The following LGI3 variants were observed in gnomAD, a reference collection of about 807,000 sequenced individuals.
The protein encoded by LGI3 is leucine rich repeat LGI family member 3, also known as leucine-rich repeat LGI family member 3.
In LGI3, 47 loss-of-function variants were observed where a neutral mutation model predicts 55.4. The observed-to-expected ratio is 0.85, with a 90% CI of 0.67 to 1.08. LGI3 has a LOEUF of 1.08. LGI3 is among the 50% of genes least tolerant of loss of function. The pLI is 0.00. For missense variants in LGI3, 664 were observed against 726.3 expected, an observed-to-expected ratio of 0.91 and a Z score of 0.99; for synonymous variants, 326 against 315.0, an observed-to-expected ratio of 1.04 and a Z score of -0.37.
intron 5 of LGI3, among the ~76,000 whole-genome samples, chr8:22,152,817 G>A (rs532018676): frequency 1.5e-4 from 23 of 151,308 alleles, no homozygotes; most frequent in African/African-American, 5.3e-4. Context: ...TTGGGAGGCA[G>A]AGGCGAGTGG....
Position 22,154,111 on chromosome 8 carries a change from G to A in LGI3, c.422+31C>T, listed in dbSNP as rs763854424. Reference sequence around the variant, plus strand: ...AAGGCCACAGGAGAGGTGGGGCTTTGGTGCAGTGTGTGTATGTGTGACGTA... The same window carrying A: ...AAGGCCACAGGAGAGGTGGGGCTTTAGTGCAGTGTGTGTATGTGTGACGTA... On this transcript the variant is annotated intron_variant, in intron 4 of 7. Coordinates refer to ENST00000306317, the MANE Select transcript of LGI3 (RefSeq NM_139278.4). 185 of 1,612,184 alleles carry A rather than the reference G, an allele frequency of 1.1e-4. 1 individual carries two copies. Among genetic ancestry groups the A allele is most frequent in the Non-Finnish European group, 1.5e-4 (182 of 1,178,326 alleles).
Position 22,156,529 on chromosome 8 carries a change from C to T in LGI3, c.14G>A (p.Arg5Gln), listed in dbSNP as rs1165678154. 8 of 1,325,568 alleles carry T rather than the reference C, an allele frequency of 6.0e-6. No individual in the cohort carries two copies. Among genetic ancestry groups the T allele is most frequent in the Non-Finnish European group, 7.8e-6 (8 of 1,030,634 alleles). The allele number at this position is 1,325,568 out of a possible 1,614,324, so 82.1% of individuals were successfully genotyped here. A position where few individuals can be genotyped will look rare whatever the true frequency, so the allele number is the denominator to read the frequency against. The change falls in exon 1 of 8, where the codon CGG becomes CAG. Residue 5 changes from arginine (R) to glutamine (Q), a missense_variant. Transcript: ENST00000306317. MAGL[R>Q]ARGGPGPGLL... The stretch of plus-strand genomic sequence containing the variant: ...CCCCGGCCCCGGGCCCCCCCTGGCC[C>T]GCAGCCCCGCCATGCTGCCCGCGAT...
At chr8:22,151,710 G>T in intron 6 of LGI3, 57 bp from the exon 7 acceptor site, 2 of 1,588,286 alleles carry the variant, frequency 1.3e-6, no homozygotes, top group Non-Finnish European at 1.7e-6. Flanking sequence ...GGGCTGCTTG[G>T]GTGATGGTGG....
At chr8:22,155,210 G>T (rs189397765) in intron 2 of LGI3, 182 bp downstream of exon 2, 5 of 630,732 alleles carry the variant, frequency 7.9e-6, no homozygotes, top group Admixed American at 2.7e-5. Flanking sequence ...CTGCTGCCCC[G>T]ACTCCCCTGA....
intron 7 of LGI3, among the ~76,000 whole-genome samples, chr8:22,150,255 GT>G (rs1323086427): frequency 6.7e-6 from 1 of 149,428 alleles, no homozygotes; most frequent in Non-Finnish European, 1.5e-5. Flanking sequence ...TTTTGTTTTT[GT>G]TTTTGTTTTT....
chr8:22,155,987 G>A (rs1468203654), intron 1 of LGI3, among the ~76,000 whole-genome samples: 4 of 152,224 alleles, frequency 2.6e-5, no homozygotes, highest in South Asian at 2.1e-4. Flanking sequence ...TGCTCTGGCC[G>A]CCACTCTCCT....
rs537904300 is a variant in LGI3, at chr8:22,148,022, A to G, written c.*138T>C. 45 of 737,456 alleles carry G rather than the reference A, an allele frequency of 6.1e-5. No individual in the cohort carries two copies. In the African/African-American group the frequency reaches 6.7e-4, roughly 11 times the overall value. 45.7% of individuals were successfully genotyped at this position (737,456 alleles called of 1,614,324 possible). A position where few individuals can be genotyped will look rare whatever the true frequency, so the allele number is the denominator to read the frequency against. On this transcript the variant is annotated 3_prime_UTR_variant, in exon 8 of 8. Coordinates refer to ENST00000306317, the MANE Select transcript of LGI3 (RefSeq NM_139278.4). The surrounding 1 kb of genome is among the most constrained non-coding windows in gnomAD (Gnocchi z 7.0). ...GGGCCAGTCCACGGGGTGCGCCTGT[A>G]CACACTGGGCGTGTGCGGATACAAG... is the stretch of plus-strand genomic sequence containing the variant.
At position 22,148,233 on chromosome 8, in the gene LGI3, T is replaced by G; in HGVS notation, c.1574A>C (p.Gln525Pro). The G allele has an allele frequency of 6.2e-7, 1 of 1,613,990 alleles. No individual in the cohort carries two copies. Among genetic ancestry groups the G allele is most frequent in the East Asian group, 2.2e-5 (1 of 44,864 alleles). Reference sequence around the variant, plus strand: ...CTTGAAGCTGGGGGCCAGGAGTAGCTGGGCGTCCCCAGCAGGCATGTAGCA... The same window carrying G: ...CTTGAAGCTGGGGGCCAGGAGTAGCGGGGCGTCCCCAGCAGGCATGTAGCA... ...AFCYMPAGDA[Q>P]LLLAPSFKGQ... Residue 525 changes from glutamine to proline, a missense_variant, in exon 8 of 8, where the codon CAG (glutamine) becomes CCG (proline). Coordinates refer to ENST00000306317, the MANE Select transcript of LGI3 (RefSeq NM_139278.4). This position sits in a 1 kb window ranked among gnomAD's most constrained non-coding sequence, Gnocchi z 7.0.
At position 22,148,624 on chromosome 8, in the gene LGI3, T is replaced by C. The variant is rs1482529227; in HGVS notation, c.1183A>G (p.Ser395Gly). 8.1e-6 allele frequency: 13 copies of C among 1,613,946 alleles called. No homozygotes were observed. The highest frequency in any genetic ancestry group is 1.0e-5 in the Non-Finnish European group (12 of 1,180,000). The change falls in exon 8 of 8, where the codon AGC becomes GGC. Residue 395 changes from serine (S) to glycine (G), a missense_variant. Ser to Gly is a moderately conservative substitution (Grantham distance 56, BLOSUM62 0). Coordinates refer to ENST00000306317, the MANE Select transcript of LGI3 (RefSeq NM_139278.4). This position sits in a 1 kb window ranked among gnomAD's most constrained non-coding sequence, Gnocchi z 7.0. Reference sequence around the variant, plus strand: ...TGATAGATGACGGGTGCCTGGGAGCTGCTGGACACAATCAGCCGTGGCTTG... The same window carrying C: ...TGATAGATGACGGGTGCCTGGGAGCCGCTGGACACAATCAGCCGTGGCTTG... Reference protein sequence around the residue: ...EGKPRLIVSSSSQAPVIYQWS... With the variant: ...EGKPRLIVSSGSQAPVIYQWS...
At chr8:22,154,742 C>A in intron 2 of LGI3, 111 bp from the exon 3 acceptor site, 1 of 794,360 alleles carries the variant, frequency 1.3e-6, no homozygotes. Flanking sequence ...CCTGCTGCTA[C>A]CCCTGGGGAC....
chr8:22,156,689 T>G lies in LGI3; in HGVS notation c.-147A>C. On this transcript the variant is annotated 5_prime_UTR_variant, in exon 1 of 8. Transcript: ENST00000306317. Reference sequence around the variant, plus strand: ...GCCCGCCTGCGGACTCCTCCTGCCCTCGGGCGCCGGCTGCGGTCCCCTCCC... The same window carrying G: ...GCCCGCCTGCGGACTCCTCCTGCCCGCGGGCGCCGGCTGCGGTCCCCTCCC... 1 of 244,076 alleles carries G rather than the reference T, an allele frequency of 4.1e-6. No individual in the cohort carries two copies. 15.1% of individuals were successfully genotyped at this position (244,076 alleles called of 1,614,324 possible). A position where few individuals can be genotyped will look rare whatever the true frequency, so the allele number is the denominator to read the frequency against.
chr8:22,156,056 G>A (rs545101504), intron 1 of LGI3, among the ~76,000 whole-genome samples: 1 of 152,312 alleles, frequency 6.6e-6, no homozygotes, highest in South Asian at 2.1e-4. Context: ...ACCCCCCCAA[G>A]TCTGGAGCAC....
At chr8:22,150,186 G>A (rs1407279406) in intron 7 of LGI3, among the ~76,000 whole-genome samples, 1 of 152,042 alleles carries the variant, frequency 6.6e-6, no homozygotes, top group Non-Finnish European at 1.5e-5. Flanking sequence ...CTCCTTAAAT[G>A]TTTGATAGCA....
chr8:22,152,427 G>A lies in LGI3; in HGVS notation c.495-427C>T, dbSNP rs568059924. Among the ~76,000 whole-genome samples, 232 of 152,228 alleles carry A rather than the reference G, an allele frequency of 1.5e-3. 2 individuals are homozygous for A. The highest frequency in any genetic ancestry group is 1.5e-3 in the Non-Finnish European group (99 of 68,026). Reference sequence around the variant, plus strand: ...CCCCTCCCGCTGATTGGACTTTAATGTAGAGTCCAATCAAACATACATTTA... The same window carrying A: ...CCCCTCCCGCTGATTGGACTTTAATATAGAGTCCAATCAAACATACATTTA... On this transcript the variant is annotated intron_variant, in intron 5 of 7. Transcript: ENST00000306317.
At chr8:22,155,832 C>T (rs771379186) in intron 1 of LGI3, among the ~76,000 whole-genome samples, 29 of 152,386 alleles carry the variant, frequency 1.9e-4, no homozygotes, top group Non-Finnish European at 3.8e-4. Context: ...GACCTCACAA[C>T]CTCTCTGGTC....
intron 5 of LGI3, 44 bp from the exon 6 acceptor site, chr8:22,152,044 C>T (rs1179788947): frequency 1.3e-6 from 2 of 1,495,568 alleles, no homozygotes; most frequent in East Asian, 2.3e-5. Flanking sequence ...GAAAGACATG[C>T]TCTCAGGGCT....
At chr8:22,153,231 C>T (rs1827403580) in intron 5 of LGI3, among the ~76,000 whole-genome samples, 1 of 151,094 alleles carries the variant, frequency 6.6e-6, no homozygotes, top group African/African-American at 2.4e-5. Flanking sequence ...ATTACAGGCG[C>T]CCGCCACCAC....
chr8:22,148,690 A>C lies in LGI3; in HGVS notation c.1117T>G (p.Trp373Gly). 6.2e-7 allele frequency: 1 copy of C among 1,614,092 alleles called. No individual in the cohort carries two copies. The change falls in exon 8 of 8, where the codon TGG (tryptophan) becomes GGG (glycine). Residue 373 changes from tryptophan (W) to glycine (G), a missense_variant. Trp to Gly is a radical substitution (Grantham distance 184, BLOSUM62 -2). Coordinates refer to ENST00000306317, the MANE Select transcript of LGI3 (RefSeq NM_139278.4). This position sits in a 1 kb window ranked among gnomAD's most constrained non-coding sequence, Gnocchi z 7.0. The stretch of plus-strand genomic sequence containing the variant: ...AACTCCAGGTCGGTGTCACGGTGCC[A>C]GGGGTGCAGTGCCTGGTGGGAGTAG... Reference protein sequence around the residue: ...GFYSHQALHPWHRDTDLEFVD... With the variant: ...GFYSHQALHPGHRDTDLEFVD...
chr8:22,155,634 C>T (rs1303726781), intron 1 of LGI3, 171 bp from the exon 2 acceptor site: 1 of 627,550 alleles, frequency 1.6e-6, no homozygotes, highest in East Asian at 2.8e-5. Flanking sequence ...AAATTCACTG[C>T]CTGCCTTCAC....
Sources: gnomAD v4.1 joint callset for allele counts (sites outside exome capture counted in the v4.1 genomes callset) on GRCh38, gnomAD v4.1.1 for gene constraint, Gnocchi (gnomAD v3.1) non-coding constraint, MANE v1.5 for transcripts, NCBI Gene and HGNC (gene_info 2026-07-23, HGNC 2026-07-21) for gene names.